Variants in SDK1 observed in about 807,000 individuals in gnomAD.
SDK1 encodes sidekick cell adhesion molecule 1.
A neutral mutation model predicts 245.5 loss-of-function variants in SDK1; 157 were observed. The observed-to-expected ratio is 0.64, with a 90% CI of 0.56 to 0.73. The LOEUF is 0.73. Among genes scored for constraint, SDK1 ranks in the 30% least tolerant of loss-of-function variants. SDK1 has a pLI of 0.00. For synonymous variants in SDK1, 1,647 were observed against 1,278.5 expected, an observed-to-expected ratio of 1.29 and a Z score of -6.15; for missense variants, 3,583 against 3,002.3, an observed-to-expected ratio of 1.19 and a Z score of -4.52.
chr7:3,839,136 G>A (rs529808797), intron 5 of SDK1, among the ~76,000 whole-genome samples: 3 of 152,232 alleles, frequency 2.0e-5, no homozygotes, highest in East Asian at 1.9e-4. Context: ...CTGAGAACAC[G>A]CCTGGGGTCT....
rs778210658 is a variant in SDK1 at position 3,346,807 on chromosome 7, GTA to G, written c.298+44943_298+44944del. 9.4e-3 allele frequency among the ~76,000 whole-genome samples: 395 copies of G among 42,222 alleles called. 34 individuals are homozygous for G. The highest frequency in any genetic ancestry group is 0.036 in the Middle Eastern group (2 of 56). 27.7% of individuals were successfully genotyped at this position (42,222 alleles called of 152,430 possible). A position where few individuals can be genotyped will look rare whatever the true frequency, so the allele number is the denominator to read the frequency against. On this transcript the variant is annotated intron_variant, in intron 1 of 44. Transcript: ENST00000404826. The stretch of plus-strand genomic sequence containing the variant: ...TATATATGTATGTGTGTGTGTGTGT[GTA>G]TATATATATATATATATATTTTTTT...
chr7:3,545,264 C>G (rs563483975), intron 1 of SDK1, among the ~76,000 whole-genome samples: 16 of 152,202 alleles, frequency 1.1e-4, no homozygotes, highest in African/African-American at 3.4e-4. Flanking sequence ...AGAGAAGAGT[C>G]ATGGGATTGA....
chr7:3,872,770 T>C (rs934097634), intron 5 of SDK1, among the ~76,000 whole-genome samples: 2 of 152,104 alleles, frequency 1.3e-5, no homozygotes. Flanking sequence ...TCATGGATGC[T>C]ATAGAGTTCA....
intron 35 of SDK1, among the ~76,000 whole-genome samples, chr7:4,185,316 C>T (rs1404192757): frequency 6.6e-6 from 1 of 152,184 alleles, no homozygotes; most frequent in East Asian, 1.9e-4. Context: ...GGGCCCAGCT[C>T]CACATTCCAC....
Position 3,303,577 on chromosome 7 carries a change from T to TAGGA in SDK1, c.298+1695_298+1698dup, listed in dbSNP as rs1554255342. Among the ~76,000 whole-genome samples the TAGGA allele has an allele frequency of 7.2e-5, 11 of 151,780 alleles. No homozygotes were observed. The East Asian group carries it at 2.1e-3, about 29-fold the overall frequency. The stretch of plus-strand genomic sequence containing the variant: ...TATTAAGGCAACAACCGAACTTTGT[T>TAGGA]AGGAATATTTTATTCCTTTTTGGCA... On this transcript the variant is annotated intron_variant, in intron 1 of 44. Coordinates refer to ENST00000404826, the MANE Select transcript of SDK1 (RefSeq NM_152744.4).
chr7:3,959,045 C>T (rs751704317), intron 8 of SDK1, 31 bp downstream of exon 8: 4 of 1,533,972 alleles, frequency 2.6e-6, no homozygotes, highest in East Asian at 4.5e-5. Flanking sequence ...GGACAAGGAG[C>T]CATGACTGGG....
chr7:3,320,265 C>T (rs544405212), intron 1 of SDK1, among the ~76,000 whole-genome samples: 1 of 130,568 alleles, frequency 7.7e-6, no homozygotes, highest in African/African-American at 3.1e-5. Context: ...TTTGCAGTTA[C>T]AGCTTTTTTT....
At chr7:3,812,328 T>C (rs1779405646) in intron 4 of SDK1, among the ~76,000 whole-genome samples, 1 of 152,214 alleles carries the variant, frequency 6.6e-6, no homozygotes, top group South Asian at 2.1e-4. Context: ...GGCTCTGTGA[T>C]TAAATACTGG....
chr7:3,348,731 AT>A (rs928052529), intron 1 of SDK1, among the ~76,000 whole-genome samples: 1 of 152,036 alleles, frequency 6.6e-6, no homozygotes, highest in African/African-American at 2.4e-5. Context: ...GTGAGCTGTT[AT>A]TTTTTTTAAA....
rs111743095 is a variant in SDK1 at position 3,962,173 on chromosome 7, A to G, written c.1235-484A>G. Among the ~76,000 whole-genome samples, 7 of 152,350 alleles carry G rather than the reference A, an allele frequency of 4.6e-5. 1 individual carries two copies. Among genetic ancestry groups the G allele is most frequent in the South Asian group, 4.1e-4 (2 of 4,830 alleles). On this transcript the variant is annotated intron_variant, in intron 8 of 44. Coordinates refer to ENST00000404826, the MANE Select transcript of SDK1 (RefSeq NM_152744.4). ...ATCACTAACCTGCATGTGAGGAAAC[A>G]GACAAAGAAAGGGACAGGTAATGTA...
At chr7:3,457,134 C>G (rs1780695751) in intron 1 of SDK1, among the ~76,000 whole-genome samples, 3 of 152,132 alleles carry the variant, frequency 2.0e-5, no homozygotes. Context: ...TGCCACTGTG[C>G]TTACTTGGGT....
chr7:4,260,177 C>T (rs1349144703), intron 44 of SDK1, among the ~76,000 whole-genome samples: 2 of 147,058 alleles, frequency 1.4e-5, no homozygotes, highest in Admixed American at 1.4e-4. Context: ...AAGATGTGTT[C>T]ATCGTCACCT....
At chr7:3,899,854 G>T (rs1453530788) in intron 5 of SDK1, among the ~76,000 whole-genome samples, 1 of 152,242 alleles carries the variant, frequency 6.6e-6, no homozygotes, top group East Asian at 1.9e-4. Flanking sequence ...ACTGAGAAGT[G>T]CTTTGTCCCT....
intron 32 of SDK1, among the ~76,000 whole-genome samples, chr7:4,164,434 C>T (rs1337251736): frequency 4.6e-5 from 7 of 152,104 alleles, no homozygotes; most frequent in Non-Finnish European, 7.4e-5. Flanking sequence ...CCCTGACTCC[C>T]GTGAGGGTCT....
At chr7:3,923,038 T>C (rs1483176829) in intron 5 of SDK1, among the ~76,000 whole-genome samples, 3 of 152,240 alleles carry the variant, frequency 2.0e-5, no homozygotes, top group Non-Finnish European at 2.9e-5. Context: ...GTCTGTTCTT[T>C]CGAGCTTCTG....
chr7:3,796,634 C>T (rs548885769), intron 4 of SDK1, among the ~76,000 whole-genome samples: 1 of 152,346 alleles, frequency 6.6e-6, no homozygotes, highest in South Asian at 2.1e-4. Context: ...CTCAAGCCAA[C>T]ATCTCTGGGC....
chr7:3,698,548 A>G (rs757321104), intron 4 of SDK1, among the ~76,000 whole-genome samples: 1 of 152,066 alleles, frequency 6.6e-6, no homozygotes. Context: ...CAGTCACAGA[A>G]CCCTCTGCAC....
rs540614344 is a variant in SDK1 at position 4,158,675 on chromosome 7, C to G, written c.4729+124C>G. On this transcript the variant is annotated intron_variant, in intron 31 of 44. Transcript: ENST00000404826. ...GGGAGTGGTGGAAAGCAGTAGAATTCCATTAGTGACAGACAGCTCGGAGGG... is the reference window on the plus strand; with the variant it reads ...GGGAGTGGTGGAAAGCAGTAGAATTGCATTAGTGACAGACAGCTCGGAGGG... 7.6e-6 allele frequency: 5 copies of G among 660,588 alleles called. No individual in the cohort carries two copies. In the East Asian group the frequency reaches 1.4e-4, roughly 18 times the overall value. 40.9% of individuals were successfully genotyped at this position (660,588 alleles called of 1,614,324 possible). A position where few individuals can be genotyped will look rare whatever the true frequency, so the allele number is the denominator to read the frequency against.
intron 4 of SDK1, among the ~76,000 whole-genome samples, chr7:3,817,327 C>G (rs1779533542): frequency 6.6e-6 from 1 of 152,148 alleles, no homozygotes; most frequent in Non-Finnish European, 1.5e-5. Context: ...TGTAAGTACA[C>G]CCAATCGAAG....
Sources: allele counts gnomAD v4.1 joint callset (sites outside exome capture counted in the v4.1 genomes callset), GRCh38; gene constraint gnomAD v4.1.1; transcripts MANE v1.5; gene names NCBI Gene and HGNC (gene_info 2026-07-23, HGNC 2026-07-21).